ATP2B2: variants seen among roughly 807,000 people sequenced by gnomAD.
The protein encoded by ATP2B2 is ATPase plasma membrane Ca2+ transporting 2.
ATP2B2 carries 15 observed loss-of-function variants against 120.0 expected under a neutral mutation model. The ratio of observed to expected loss-of-function variants is 0.12; its 90% CI spans 0.08 to 0.19. The LOEUF is 0.19. Among genes scored for constraint, ATP2B2 ranks in the 10% least tolerant of loss-of-function variants. The pLI, the probability that ATP2B2 is intolerant of heterozygous loss-of-function variation, is 1.00. For missense variants in ATP2B2, 1,045 were observed against 1,719.8 expected (o/e 0.61, Z 6.94); for synonymous variants, 694 against 700.3 (o/e 0.99, Z 0.14).
intron 22 of ATP2B2, among the ~76,000 whole-genome samples, chr3:10,331,745 C>T (rs1376593461): frequency 6.9e-6 from 1 of 144,378 alleles, no homozygotes; most frequent in Non-Finnish European, 1.5e-5. Flanking sequence ...TGCATTTGGG[C>T]GTGGGGGTGA....
At chr3:10,484,729 C>T (rs528905430) in intron 1 of ATP2B2, among the ~76,000 whole-genome samples, 2 of 152,318 alleles carry the variant, frequency 1.3e-5, no homozygotes, top group East Asian at 1.9e-4. Context: ...AGTACATTGC[C>T]TCCAGATGCA....
chr3:10,655,953 G>C (rs1194016454), intron 1 of ATP2B2, among the ~76,000 whole-genome samples: 1 of 152,178 alleles, frequency 6.6e-6, no homozygotes, highest in Non-Finnish European at 1.5e-5. Flanking sequence ...GCCTTGAGAG[G>C]ACAAAACGTT....
intron 2 of ATP2B2, among the ~76,000 whole-genome samples, chr3:10,573,980 T>A (rs1012295755): frequency 6.6e-6 from 1 of 152,084 alleles, no homozygotes; most frequent in African/African-American, 2.4e-5. Context: ...TCTGCCTGTC[T>A]CCCCCCATTA....
chr3:10,562,004 T>G (rs924144971), intron 2 of ATP2B2, among the ~76,000 whole-genome samples: 2 of 152,208 alleles, frequency 1.3e-5, no homozygotes, highest in Non-Finnish European at 2.9e-5. Flanking sequence ...CAGCATCTCA[T>G]GCAAAAGCTG....
chr3:10,562,330 G>A (rs879814764), intron 2 of ATP2B2, among the ~76,000 whole-genome samples: 5 of 152,216 alleles, frequency 3.3e-5, no homozygotes, highest in Non-Finnish European at 5.9e-5. Context: ...GAGTAGCTTG[G>A]TGTGGCTGAA....
Position 10,342,013 on chromosome 3 carries a change from T to A in ATP2B2, c.2917+739A>T, listed in dbSNP as rs1056816841. ...AAGGAGAGAACTGGCCCTGATTCCA[T>A]GTGGGACTGCGGGCCAGACCCTTCC... On this transcript the variant is annotated intron_variant, in intron 19 of 22. Coordinates refer to ENST00000360273, the MANE Select transcript of ATP2B2 (RefSeq NM_001001331.4). The surrounding 1 kb of genome is among the most constrained non-coding windows in gnomAD (Gnocchi z 4.4). Among the ~76,000 whole-genome samples, 1 of 152,212 alleles carries A rather than the reference T, an allele frequency of 6.6e-6. No individual in the cohort carries two copies. The highest frequency in any genetic ancestry group is 1.5e-5 in the Non-Finnish European group (1 of 68,038).
intron 1 of ATP2B2, among the ~76,000 whole-genome samples, chr3:10,665,061 T>C (rs1350083981): frequency 6.6e-6 from 1 of 152,190 alleles, no homozygotes; most frequent in Admixed American, 6.5e-5. Flanking sequence ...CCTGTTGGGC[T>C]TCCTGTCCAC....
At chr3:10,637,586 C>T (rs1312529114) in intron 1 of ATP2B2, among the ~76,000 whole-genome samples, 3 of 151,988 alleles carry the variant, frequency 2.0e-5, no homozygotes, top group Non-Finnish European at 4.4e-5. Flanking sequence ...TAGAAACTAC[C>T]CAAAATGAAA....
chr3:10,659,291 C>A (rs1026307650), intron 1 of ATP2B2, among the ~76,000 whole-genome samples: 5 of 152,160 alleles, frequency 3.3e-5, no homozygotes, highest in African/African-American at 9.7e-5. Context: ...TTAAAAGACA[C>A]AGACTGGCAA....
intron 2 of ATP2B2, among the ~76,000 whole-genome samples, chr3:10,568,728 C>T (rs1419923334): frequency 6.6e-6 from 1 of 152,188 alleles, no homozygotes. Context: ...AGATGCTTTT[C>T]CCAATGTGTT....
chr3:10,369,177 C>G (rs1420171682), intron 12 of ATP2B2, among the ~76,000 whole-genome samples: 23 of 152,198 alleles, frequency 1.5e-4, no homozygotes. Context: ...CCTGTCTCCT[C>G]TTGTATGGGT....
intron 2 of ATP2B2, among the ~76,000 whole-genome samples, chr3:10,567,237 A>AG (rs1276588437): frequency 6.6e-6 from 1 of 152,230 alleles, no homozygotes; most frequent in African/African-American, 2.4e-5. Flanking sequence ...TTTGGAATTT[A>AG]GGGGGCCACA....
chr3:10,396,574 C>T (rs2062044232), intron 5 of ATP2B2, among the ~76,000 whole-genome samples: 1 of 152,214 alleles, frequency 6.6e-6, no homozygotes, highest in Non-Finnish European at 1.5e-5. Context: ...ATGTAAAGGG[C>T]CCATGGTGTC....
At position 10,338,998 on chromosome 3, in the gene ATP2B2, C is replaced by T. The variant is rs144947343; in HGVS notation, c.3238-640G>A. 2.4e-3 allele frequency: 374 copies of T among 153,724 alleles called. 1 individual carries two copies. Among genetic ancestry groups the T allele is most frequent in the Non-Finnish European group, 4.3e-3 (296 of 68,928 alleles). 9.5% of individuals were successfully genotyped at this position (153,724 alleles called of 1,614,324 possible). A position where few individuals can be genotyped will look rare whatever the true frequency, so the allele number is the denominator to read the frequency against. On this transcript the variant is annotated intron_variant, in intron 21 of 22. Transcript: ENST00000360273. ...TTGTCCATGGGGCTGAGGACCCAGA[C>T]GCAGGCCCTACAGGAAAGCTGCGGT...
At position 10,471,876 on chromosome 3, in the gene ATP2B2, C is replaced by T. The variant is rs377620155; in HGVS notation, c.-319-22014G>A. Among the ~76,000 whole-genome samples, 271 of 151,806 alleles carry T rather than the reference C, an allele frequency of 1.8e-3. 15 individuals carry two copies. The South Asian group carries it at 0.053, about 30-fold the overall frequency. On this transcript the variant is annotated intron_variant, in intron 1 of 22. Transcript: ENST00000360273. ...CGGGCGGATAACGAGGTCAGGAGAT[C>T]GAGACCATCCTGGCGAACACGGTGA...
intron 2 of ATP2B2, among the ~76,000 whole-genome samples, chr3:10,589,048 A>G (rs1179636084): frequency 6.6e-6 from 1 of 152,156 alleles, no homozygotes; most frequent in African/African-American, 2.4e-5. Flanking sequence ...AAGTTCACAC[A>G]CCTGGGTAGG....
At position 10,557,715 on chromosome 3, in the gene ATP2B2, C is replaced by T. The variant is rs184089967; in HGVS notation, c.-414-23582G>A. 2.4e-3 allele frequency among the ~76,000 whole-genome samples: 366 copies of T among 152,250 alleles called. 2 individuals carry two copies. The highest frequency in any genetic ancestry group is 8.5e-3 in the African/African-American group (353 of 41,536). Reference sequence around the variant, plus strand: ...GTGTACCAGAGGGTACATTCTACACCATTATTCTGTTTTTATCTTTCACCC... The same window carrying T: ...GTGTACCAGAGGGTACATTCTACACTATTATTCTGTTTTTATCTTTCACCC... On this transcript the variant is annotated intron_variant, in intron 2 of 21. Coordinates refer to the ATP2B2 transcript ENST00000646379.
In ATP2B2 at chr3:10,328,638, C is replaced by A; in HGVS notation, c.*176G>T. On this transcript the variant is annotated 3_prime_UTR_variant, in exon 23 of 23. Transcript: ENST00000360273. ...TTGAAGTGAAAAAGAGTTCAAACAG[C>A]ATCGCAGCCAGAGAAAGGGTCTGTG... 1.5e-6 allele frequency: 1 copy of A among 672,744 alleles called. No homozygotes were observed. The highest frequency in any genetic ancestry group is 2.0e-5 in the South Asian group (1 of 49,752). The allele number at this position is 672,744 out of a possible 1,614,324, so 41.7% of individuals were successfully genotyped here.
Position 10,655,342 on chromosome 3 carries a change from G to A in ATP2B2, c.-459-35381C>T, listed in dbSNP as rs116319994. On this transcript the variant is annotated intron_variant, in intron 1 of 21. Coordinates refer to the ATP2B2 transcript ENST00000646379. ...CAACGCCCCTGCACCAAGAACAGCA[G>A]CTTGGAAGCTTGTTAGAAATGCAAA... is the stretch of plus-strand genomic sequence containing the variant. Among the ~76,000 whole-genome samples, 941 of 98,772 alleles carry A rather than the reference G, an allele frequency of 9.5e-3. 12 individuals are homozygous for A. The highest frequency in any genetic ancestry group is 0.043 in the Middle Eastern group (9 of 208). 64.8% of individuals were successfully genotyped at this position (98,772 alleles called of 152,430 possible). A position where few individuals can be genotyped will look rare whatever the true frequency, so the allele number is the denominator to read the frequency against.
Sources: gnomAD v4.1 joint callset for allele counts (sites outside exome capture counted in the v4.1 genomes callset) on GRCh38, gnomAD v4.1.1 for gene constraint, Gnocchi (gnomAD v3.1) non-coding constraint, MANE v1.5 for transcripts, NCBI Gene and HGNC (gene_info 2026-07-23, HGNC 2026-07-21) for gene names.